Variants in ULK4 observed in about 807,000 individuals in gnomAD.
ULK4 encodes the protein unc-51 like kinase 4.
Under a neutral mutation model 160.6 loss-of-function variants are expected in ULK4, and 133 were observed. The ratio of observed to expected loss-of-function variants is 0.83; its 90% confidence interval spans 0.72 to 0.96. The LOEUF (loss-of-function observed/expected upper bound fraction) is 0.96. Ranked by LOEUF, ULK4 falls within the 40% of genes least tolerant of loss-of-function variation. The pLI is 0.00. For missense variants in ULK4, 1,580 were observed against 1,499.5 expected, an observed-to-expected ratio of 1.05 and a Z score of -0.89; for synonymous variants, 534 against 539.8, an observed-to-expected ratio of 0.99 and a Z score of 0.15.
At chr3:41,667,688 C>T (rs1575548743) in intron 29 of ULK4, among the ~76,000 whole-genome samples, 1 of 152,130 alleles carries the variant, frequency 6.6e-6, no homozygotes, top group Non-Finnish European at 1.5e-5. Context: ...ATAACAGTAC[C>T]CTGTCCAGAC....
At chr3:41,731,676 GAA>G (rs371556781) in intron 22 of ULK4, among the ~76,000 whole-genome samples, 48 of 120,062 alleles carry the variant, frequency 4.0e-4, no homozygotes, top group African/African-American at 1.1e-3. Context: ...AATTTTGGGG[GAA>G]AAAAAAAAAA....
At chr3:41,278,944 GA>G (rs778318755) in intron 35 of ULK4, among the ~76,000 whole-genome samples, 25 of 152,282 alleles carry the variant, frequency 1.6e-4, no homozygotes, top group Middle Eastern at 3.4e-3. Flanking sequence ...GATGGAGAAT[GA>G]GTTTGACAAG....
At chr3:41,785,928 C>T (rs1340035373) in intron 21 of ULK4, among the ~76,000 whole-genome samples, 1 of 152,158 alleles carries the variant, frequency 6.6e-6, no homozygotes, top group Non-Finnish European at 1.5e-5. Flanking sequence ...CCTAAGATCT[C>T]TCACACTTCA....
chr3:41,477,727 G>A (rs111518659), intron 32 of ULK4, among the ~76,000 whole-genome samples: 1,705 of 152,308 alleles, frequency 0.011, 35 homozygotes, highest in African/African-American at 0.035. Context: ...GGTTATAAAT[G>A]TAAGTATCTG....
chr3:41,280,366 G>C (rs2079327125), intron 35 of ULK4, among the ~76,000 whole-genome samples: 1 of 152,140 alleles, frequency 6.6e-6, no homozygotes, highest in South Asian at 2.1e-4. Flanking sequence ...ATTCTTCTCA[G>C]TACCACATCA....
At chr3:41,739,483 T>C (rs924668477) in intron 22 of ULK4, among the ~76,000 whole-genome samples, 1 of 151,928 alleles carries the variant, frequency 6.6e-6, no homozygotes, top group African/African-American at 2.4e-5. Context: ...TACATTGTGT[T>C]GCACCCTATG....
At position 41,557,903 on chromosome 3, in the gene ULK4, C is replaced by T. The variant is rs114409088; in HGVS notation, c.3226+8122G>A. On this transcript the variant is annotated intron_variant, in intron 32 of 36. Transcript: ENST00000301831. Reference sequence around the variant, plus strand: ...AAACTTAACAAGAAATGCATAAGACCTATATAAAGAAAACTACAAAACATC... The same window carrying T: ...AAACTTAACAAGAAATGCATAAGACTTATATAAAGAAAACTACAAAACATC... 2.1e-3 allele frequency among the ~76,000 whole-genome samples: 318 copies of T among 151,862 alleles called. 2 individuals are homozygous for T. The highest frequency in any genetic ancestry group is 7.5e-3 in the African/African-American group (311 of 41,458).
At chr3:41,959,258 G>A (rs572237674) in intron 1 of ULK4, among the ~76,000 whole-genome samples, 14 of 151,024 alleles carry the variant, frequency 9.3e-5, no homozygotes, top group East Asian at 7.8e-4. Flanking sequence ...CCACCTACTC[G>A]GGAGGCTGAG....
intron 17 of ULK4, among the ~76,000 whole-genome samples, chr3:41,853,312 A>T (rs893889823): frequency 4.6e-5 from 7 of 152,188 alleles, no homozygotes; most frequent in African/African-American, 1.7e-4. Flanking sequence ...TTGCCTGCAC[A>T]TGAGAATCAC....
Position 41,828,201 on chromosome 3 carries a change from G to A in ULK4, c.1764+7663C>T, listed in dbSNP as rs1342134170. Among the ~76,000 whole-genome samples the A allele has an allele frequency of 4.2e-5, 6 of 143,558 alleles. 1 individual carries two copies. Among genetic ancestry groups the A allele is most frequent in the African/African-American group, 1.6e-4 (6 of 38,132 alleles). The allele number at this position is 143,558 out of a possible 152,430, so 94.2% of individuals were successfully genotyped here. ...ACCCACAGCCAATATCATACTGAAT[G>A]GAAAAAAACTGGAAACATTCCCTTT... On this transcript the variant is annotated intron_variant, in intron 18 of 36. Coordinates refer to ENST00000301831, the MANE Select transcript of ULK4 (RefSeq NM_017886.4).
intron 31 of ULK4, among the ~76,000 whole-genome samples, chr3:41,612,551 C>T (rs1197660395): frequency 6.6e-6 from 1 of 152,202 alleles, no homozygotes; most frequent in African/African-American, 2.4e-5. Flanking sequence ...GTAGTGACAA[C>T]TGGAGATAAT....
At chr3:41,911,248 A>C in intron 11 of ULK4, 69 bp downstream of exon 11, 2 of 1,470,424 alleles carry the variant, frequency 1.4e-6, no homozygotes, top group Non-Finnish European at 1.9e-6. Context: ...GTTTGCACCA[A>C]GATAGCAGAT....
intron 12 of ULK4, among the ~76,000 whole-genome samples, chr3:41,906,862 G>T (rs981940539): frequency 6.6e-6 from 1 of 152,018 alleles, no homozygotes; most frequent in Admixed American, 6.6e-5. Flanking sequence ...ACATGGTGAC[G>T]CACGACTGTA....
At chr3:41,294,230 G>A (rs543736615) in intron 35 of ULK4, among the ~76,000 whole-genome samples, 2 of 152,302 alleles carry the variant, frequency 1.3e-5, no homozygotes, top group South Asian at 2.1e-4. Flanking sequence ...GAGTGGGTTT[G>A]CTCTCTTCTG....
Position 41,789,557 on chromosome 3 carries a change from G to T in ULK4, c.2193+104C>A, listed in dbSNP as rs1287808249. On this transcript the variant is annotated intron_variant, in intron 21 of 36. Transcript: ENST00000301831. ...TGGCAAAGTTCAAAAAGGCCTCTTG[G>T]GATAAAAAATGAATTCTACAAACAT... 3.4e-6 allele frequency: 4 copies of T among 1,160,330 alleles called. No homozygotes were observed. In the East Asian group the frequency reaches 8.4e-5, roughly 24 times the overall value. The allele number at this position is 1,160,330 out of a possible 1,614,324, so 71.9% of individuals were successfully genotyped here. A position where few individuals can be genotyped will look rare whatever the true frequency, so the allele number is the denominator to read the frequency against.
At chr3:41,394,757 C>T (rs889382816) in intron 35 of ULK4, among the ~76,000 whole-genome samples, 1 of 152,086 alleles carries the variant, frequency 6.6e-6, no homozygotes, top group South Asian at 2.1e-4. Flanking sequence ...AAGACCACAA[C>T]TGAGTTGACT....
chr3:41,630,950 A>G (rs891956329), intron 30 of ULK4, among the ~76,000 whole-genome samples: 1 of 152,194 alleles, frequency 6.6e-6, no homozygotes, highest in African/African-American at 2.4e-5. Context: ...TTGTTTACAT[A>G]ATTTACCAGT....
intron 22 of ULK4, among the ~76,000 whole-genome samples, chr3:41,722,156 G>A (rs17060958): frequency 0.13 from 19,659 of 152,122 alleles, 4,116 homozygotes; most frequent in African/African-American, 0.44. Context: ...AACGGTAGCT[G>A]CTATCATCAC....
intron 35 of ULK4, among the ~76,000 whole-genome samples, chr3:41,353,694 T>A (rs867657351): frequency 0.012 from 1,222 of 102,178 alleles, 18 homozygotes; most frequent in African/African-American, 0.052. Flanking sequence ...TAATAATAAT[T>A]ACAATTACTA....
Sources: gnomAD v4.1 joint callset for allele counts (sites outside exome capture counted in the v4.1 genomes callset) on GRCh38, gnomAD v4.1.1 for gene constraint, MANE v1.5 for transcripts, NCBI Gene and HGNC (gene_info 2026-07-23, HGNC 2026-07-21) for gene names.